CNTN4: variants seen among roughly 807,000 people sequenced by gnomAD.
CNTN4 encodes contactin-4.
CNTN4 carries 77 observed loss-of-function variants against 122.5 expected under a neutral mutation model. That is an observed-to-expected ratio of 0.63 (90% CI 0.52 to 0.76). The LOEUF is 0.76. CNTN4 is among the 30% of genes least tolerant of loss of function. The pLI is 0.00. For missense variants in CNTN4, 1,256 were observed against 1,259.1 expected (o/e 1.00, Z 0.04); for synonymous variants, 512 against 447.0 (o/e 1.15, Z -1.83).
At chr3:2,785,898 C>CCCCG (rs1383179627) in intron 6 of CNTN4, among the ~76,000 whole-genome samples, 1 of 125,756 alleles carries the variant, frequency 8.0e-6, no homozygotes, top group Non-Finnish European at 1.7e-5. Context: ...CCACGCTGCC[C>CCCCG]CCCCCCGCCC....
intron 3 of CNTN4, among the ~76,000 whole-genome samples, chr3:2,462,160 A>G (rs570703338): frequency 6.6e-6 from 1 of 152,338 alleles, no homozygotes; most frequent in East Asian, 1.9e-4. Context: ...TTCTATGGTT[A>G]TAACACACCA....
intron 3 of CNTN4, among the ~76,000 whole-genome samples, chr3:2,381,959 G>A (rs998950508): frequency 3.3e-5 from 5 of 152,042 alleles, no homozygotes; most frequent in Non-Finnish European, 7.4e-5. Context: ...GCAAGAAAAT[G>A]TATTGTTCTT....
At chr3:2,618,985 A>G (rs2081889371) in intron 4 of CNTN4, among the ~76,000 whole-genome samples, 1 of 152,184 alleles carries the variant, frequency 6.6e-6, no homozygotes. Context: ...AGTTATCTGT[A>G]AAATACAGGA....
chr3:3,031,868 T>C (rs991949355), intron 16 of CNTN4, among the ~76,000 whole-genome samples: 7 of 152,166 alleles, frequency 4.6e-5, no homozygotes, highest in Non-Finnish European at 1.0e-4. Context: ...GCAGAGCGCA[T>C]GGCAAAACTT....
At chr3:2,906,877 A>G (rs973775167) in intron 12 of CNTN4, among the ~76,000 whole-genome samples, 1 of 151,930 alleles carries the variant, frequency 6.6e-6, no homozygotes, top group Middle Eastern at 3.4e-3. Context: ...AGAAAAGAAA[A>G]AGAAAGATGG....
intron 2 of CNTN4, among the ~76,000 whole-genome samples, chr3:2,259,162 C>T (rs2040720191): frequency 6.6e-6 from 1 of 151,894 alleles, no homozygotes; most frequent in African/African-American, 2.4e-5. Flanking sequence ...CTTTATGGTA[C>T]CTGGCTATGC....
intron 2 of CNTN4, among the ~76,000 whole-genome samples, chr3:2,105,635 A>G (rs1379751669): frequency 6.6e-6 from 1 of 152,292 alleles, no homozygotes; most frequent in East Asian, 1.9e-4. Flanking sequence ...ACCTCCTACC[A>G]GGTCCCACCC....
chr3:2,701,659 C>A (rs548993906), intron 4 of CNTN4, among the ~76,000 whole-genome samples: 9 of 152,082 alleles, frequency 5.9e-5, no homozygotes, highest in Non-Finnish European at 8.8e-5. Flanking sequence ...ATCCTTAGCC[C>A]CACCCCATGT....
At chr3:2,855,143 A>G (rs1016812080) in intron 7 of CNTN4, among the ~76,000 whole-genome samples, 7 of 152,210 alleles carry the variant, frequency 4.6e-5, no homozygotes, top group Non-Finnish European at 1.0e-4. Flanking sequence ...TACAAAAGAA[A>G]ACAAGGTTGT....
At chr3:2,351,568 C>G (rs1366711867) in intron 3 of CNTN4, among the ~76,000 whole-genome samples, 2 of 152,164 alleles carry the variant, frequency 1.3e-5, no homozygotes, top group African/African-American at 4.8e-5. Flanking sequence ...CCCCCTTTAT[C>G]TGAGGTAGAT....
intron 6 of CNTN4, among the ~76,000 whole-genome samples, chr3:2,777,284 A>G (rs537134827): frequency 5.9e-4 from 90 of 152,228 alleles, no homozygotes; most frequent in Non-Finnish European, 1.1e-3. Flanking sequence ...AATATTCCAT[A>G]TCTATCTCAG....
At chr3:2,398,634 C>T (rs2046727481) in intron 3 of CNTN4, among the ~76,000 whole-genome samples, 1 of 152,116 alleles carries the variant, frequency 6.6e-6, no homozygotes, top group Admixed American at 6.6e-5. Context: ...CCTGAATTAA[C>T]AGTGCATCAG....
intron 3 of CNTN4, among the ~76,000 whole-genome samples, chr3:2,485,957 GC>G (rs2076148725): frequency 6.6e-6 from 1 of 152,140 alleles, no homozygotes; most frequent in Non-Finnish European, 1.5e-5. Context: ...CCGCGCAGGT[GC>G]CCTTCCACAC....
At chr3:2,099,275 C>G (rs1176398218) in intron 1 of CNTN4, 2 of 152,336 alleles carry the variant, frequency 1.3e-5, no homozygotes, top group African/African-American at 4.8e-5. Context: ...CCTTCTCAGC[C>G]GGAAAATAAG....
In CNTN4 at chr3:2,275,790, T is replaced by C. The variant is rs189300839; in HGVS notation, c.-144-63388T>C. Reference sequence around the variant, plus strand: ...CAAAAATTAGCCGGGCGTGGTGGTGTGTGCCTGTAATCCCAGCTACTCAGG... The same window carrying C: ...CAAAAATTAGCCGGGCGTGGTGGTGCGTGCCTGTAATCCCAGCTACTCAGG... On this transcript the variant is annotated intron_variant, in intron 2 of 24. Coordinates refer to ENST00000418658, the MANE Select transcript of CNTN4 (RefSeq NM_175607.3). Among the ~76,000 whole-genome samples the C allele has an allele frequency of 8.0e-3, 1,211 of 151,538 alleles. 18 individuals are homozygous for C. Among genetic ancestry groups the C allele is most frequent in the African/African-American group, 0.028 (1,147 of 41,284 alleles).
chr3:2,978,089 C>A (rs1287954209), intron 13 of CNTN4, among the ~76,000 whole-genome samples: 6 of 152,208 alleles, frequency 3.9e-5, no homozygotes, highest in African/African-American at 1.2e-4. Context: ...CCAATACCTT[C>A]ATGTCAGACT....
chr3:2,542,498 G>C (rs1204617654), intron 3 of CNTN4, among the ~76,000 whole-genome samples: 3 of 152,094 alleles, frequency 2.0e-5, no homozygotes, highest in African/African-American at 7.2e-5. Flanking sequence ...CAAGACACAG[G>C]ATTTAAGCTT....
At chr3:2,948,955 C>T (rs1055204547) in intron 13 of CNTN4, among the ~76,000 whole-genome samples, 11 of 152,124 alleles carry the variant, frequency 7.2e-5, no homozygotes, top group East Asian at 1.9e-4. Flanking sequence ...ACTAATCAGC[C>T]CTTCCAGTGA....
At chr3:2,326,673 TAC>T (rs2043478523) in intron 2 of CNTN4, among the ~76,000 whole-genome samples, 1 of 152,190 alleles carries the variant, frequency 6.6e-6, no homozygotes, top group Non-Finnish European at 1.5e-5. Flanking sequence ...CTGGATGCCT[TAC>T]AAGGACAGAA....
Sources: gnomAD v4.1 joint callset for allele counts (sites outside exome capture counted in the v4.1 genomes callset) on GRCh38, gnomAD v4.1.1 for gene constraint, MANE v1.5 for transcripts, NCBI Gene and HGNC (gene_info 2026-07-23, HGNC 2026-07-21) for gene names.